PARP10: variants seen among roughly 807,000 people sequenced by gnomAD.
PARP10 encodes poly(ADP-ribose) polymerase family member 10, also known as protein mono-ADP-ribosyltransferase PARP10.
A neutral mutation model predicts 82.4 loss-of-function variants in PARP10; 56 were observed. The ratio of observed to expected loss-of-function variants is 0.68; its 90% CI spans 0.55 to 0.85. The LOEUF is 0.85. PARP10 is among the 40% of genes least tolerant of loss of function. PARP10 has a pLI of 0.00. For missense variants in PARP10, 1,227 were observed against 1,379.4 expected (o/e 0.89, Z 1.75); for synonymous variants, 576 against 601.1 (o/e 0.96, Z 0.61).
chr8:144,003,396 T>A (rs1834215652), intron 1 of PARP10, among the ~76,000 whole-genome samples: 1 of 130,110 alleles, frequency 7.7e-6, no homozygotes, highest in African/African-American at 3.1e-5. Flanking sequence ...GCCACTGCAC[T>A]CCAGCCTGGG....
rs782767859 is a variant in PARP10 at position 143,983,511 on chromosome 8, A to C, written c.2078T>G (p.Leu693Trp). Residue 693 changes from leucine to tryptophan, a missense_variant, in exon 8 of 11, where the codon TTG becomes TGG. Transcript: ENST00000313028. ...LTLSLLEQPP[L>W]EAEEPPDGGT... ...CCCATCTGGGGGCTCTTCTGCCTCC[A>C]ACGGGGGCTGCTCCAGCAGGGAGAG... The C allele has an allele frequency of 1.8e-5, 29 of 1,605,848 alleles. No homozygotes were observed. In the South Asian group the frequency reaches 3.1e-4, roughly 17 times the overall value.
intron 1 of PARP10, among the ~76,000 whole-genome samples, chr8:144,005,471 CA>C: frequency 6.6e-6 from 1 of 152,276 alleles, no homozygotes; most frequent in South Asian, 2.1e-4. Flanking sequence ...GCTTGCCAAT[CA>C]TAATCGTATG....
chr8:143,997,434 T>C (rs1834171485), intron 1 of PARP10, among the ~76,000 whole-genome samples: 1 of 152,104 alleles, frequency 6.6e-6, no homozygotes, highest in African/African-American at 2.4e-5. Context: ...AATCTTCCTC[T>C]CTAACCCAAA....
chr8:143,999,020 T>C (rs145727402), intron 1 of PARP10, among the ~76,000 whole-genome samples: 9 of 140,422 alleles, frequency 6.4e-5, no homozygotes, highest in Non-Finnish European at 1.1e-4. Context: ...TCCTTCCTTC[T>C]TTCTTTCTTT....
Position 143,983,681 on chromosome 8 carries a change from C to T in PARP10, c.1908G>A (p.Glu636=), listed in dbSNP as rs782157409. 6.8e-6 allele frequency: 11 copies of T among 1,609,312 alleles called. No homozygotes were observed. The Admixed American group carries it at 1.3e-4, about 20-fold the overall frequency. The part of the protein sequence containing the change: ...PEEEVTPGHE[E]EEPVAPSTVA... ...CAGTGCTGGGGGCCACAGGCTCCTC[C>T]TCCTCATGCCCTGGGGTCACCTCCT... The change falls in exon 8 of 11, where the codon GAG becomes GAA. Residue 636 remains glutamate, a synonymous_variant. Transcript: ENST00000313028.
chr8:144,007,738 G>T (rs1834244588), intron 1 of PARP10, among the ~76,000 whole-genome samples: 1 of 152,136 alleles, frequency 6.6e-6, no homozygotes, highest in Admixed American at 6.6e-5. Flanking sequence ...TGAGGCTAGA[G>T]GCGAGAAGAG....
At chr8:144,006,048 AG>A (rs1485279178) in intron 1 of PARP10, among the ~76,000 whole-genome samples, 2 of 152,116 alleles carry the variant, frequency 1.3e-5, no homozygotes, top group Admixed American at 1.3e-4. Flanking sequence ...GTCAGATCCT[AG>A]GGCCCCCCTA....
chr8:143,978,402 C>CA (rs1833768018), intron 9 of PARP10, among the ~76,000 whole-genome samples: 1 of 152,176 alleles, frequency 6.6e-6, no homozygotes, highest in South Asian at 2.1e-4. Flanking sequence ...GACTTGACTC[C>CA]AACACGAGGA....
intron 1 of PARP10, among the ~76,000 whole-genome samples, chr8:143,999,853 C>T (rs1228260469): frequency 1.3e-5 from 2 of 151,398 alleles, no homozygotes; most frequent in Admixed American, 1.3e-4. Context: ...GAAGACAGGT[C>T]GATAGAAAAT....
chr8:143,992,570 A>G, upstream of PARP10: 1 of 1,614,136 alleles, frequency 6.2e-7, no homozygotes, highest in Non-Finnish European at 8.5e-7. Context: ...CATCCTGGAG[A>G]TCGTGTACGC....
intron 1 of PARP10, among the ~76,000 whole-genome samples, chr8:144,002,296 AT>A (rs1834208147): frequency 6.6e-6 from 1 of 152,210 alleles, no homozygotes; most frequent in Non-Finnish European, 1.5e-5. Flanking sequence ...TGCCTGCAGT[AT>A]CAGCTACTCA....
Position 143,977,500 on chromosome 8 carries a change from C to A in PARP10, c.3062G>T (p.Arg1021Leu). The stretch of plus-strand genomic sequence containing the variant: ...CCCCTTCGGTTAAGTGTCTGGGGAG[C>A]GGCCCGGGAGCCCAGAGGGGTCGTC... ...SPDDPSGLPG[R>L]SPDT The change falls in exon 11 of 11, where the codon CGC (arginine) becomes CTC (leucine). Residue 1021 changes from arginine to leucine, a missense_variant. Arg to Leu is a moderately radical substitution (Grantham distance 102, BLOSUM62 -2). Coordinates refer to ENST00000313028, the MANE Select transcript of PARP10 (RefSeq NM_032789.5). The A allele has an allele frequency of 6.5e-7, 1 of 1,549,880 alleles. No homozygotes were observed. The highest frequency in any genetic ancestry group is 8.7e-7 in the Non-Finnish European group (1 of 1,146,612).
intron 9 of PARP10, among the ~76,000 whole-genome samples, chr8:143,980,377 T>C (rs1833824229): frequency 1.2e-5 from 1 of 85,124 alleles, no homozygotes; most frequent in African/African-American, 4.2e-5. Context: ...ATACAAAAAG[T>C]AGCTGGGTGT....
At chr8:144,001,729 G>GAGAAAAGAAAAGAAAAGAAA (rs368728419) in intron 1 of PARP10, among the ~76,000 whole-genome samples, 2 of 151,946 alleles carry the variant, frequency 1.3e-5, no homozygotes, top group African/African-American at 4.8e-5. Flanking sequence ...GAAGAGAAAA[G>GAGAAAAGAAAAGAAAAGAAA]AGAAAAGAAA....
chr8:143,992,574 T>C, upstream of PARP10: 1 of 1,614,054 alleles, frequency 6.2e-7, no homozygotes, highest in East Asian at 2.2e-5. Flanking sequence ...CTGGAGATCG[T>C]GTACGCCTCA....
Position 144,008,977 on chromosome 8 carries a change from A to G in PARP10, c.-80+3553T>C, listed in dbSNP as rs1015111488. On this transcript the variant is annotated intron_variant, in intron 1 of 3. Transcript: ENST00000530478. The surrounding 1 kb of genome is among the most constrained non-coding windows in gnomAD (Gnocchi z 4.0). ...AGGCTGCAGCTTAACATTCTGGGGGACCCTGGGGGTCTTTTGAGGGCCTCT... is the reference window on the plus strand; with the variant it reads ...AGGCTGCAGCTTAACATTCTGGGGGGCCCTGGGGGTCTTTTGAGGGCCTCT... Among the ~76,000 whole-genome samples the G allele has an allele frequency of 6.6e-5, 10 of 152,204 alleles. No individual in the cohort carries two copies. The highest frequency in any genetic ancestry group is 1.3e-4 in the Non-Finnish European group (9 of 68,018).
At chr8:143,980,262 G>A (rs1833816818) in intron 9 of PARP10, among the ~76,000 whole-genome samples, 1 of 137,110 alleles carries the variant, frequency 7.3e-6, no homozygotes, top group Admixed American at 7.6e-5. Flanking sequence ...AGAGCTTGCA[G>A]TGAGCTGAGA....
At position 143,984,588 on chromosome 8, in the gene PARP10, C is replaced by A. The variant is rs781984690; in HGVS notation, c.1414G>T (p.Val472Phe). 2 of 1,613,646 alleles carry A rather than the reference C, an allele frequency of 1.2e-6. No homozygotes were observed. The highest frequency in any genetic ancestry group is 2.2e-5 in the South Asian group (2 of 91,062). Residue 472 changes from valine to phenylalanine, a missense_variant, in exon 5 of 11, where the codon GTC (valine) becomes TTC (phenylalanine). By Grantham distance (50) the Val-to-Phe change is conservative. Transcript: ENST00000313028. ...HEDLLAGLGD[V>F]ALLPLEGPDM... ...GGTCCTTCAAGTGGCAAGAGAGCGACGTCTCCCAGGCCCGCAAGAAGGTCC... is the reference window on the plus strand; with the variant it reads ...GGTCCTTCAAGTGGCAAGAGAGCGAAGTCTCCCAGGCCCGCAAGAAGGTCC...
upstream of PARP10, chr8:143,990,556 G>C (rs1254866567): frequency 6.6e-6 from 1 of 151,820 alleles, no homozygotes; most frequent in Non-Finnish European, 1.5e-5. This position sits in a 1 kb window ranked among gnomAD's most constrained non-coding sequence, Gnocchi z 5.6. Context: ...CACGCCCCGT[G>C]GTCGCTTCCA....
Sources: gnomAD v4.1 joint callset for allele counts (sites outside exome capture counted in the v4.1 genomes callset) on GRCh38, gnomAD v4.1.1 for gene constraint, Gnocchi (gnomAD v3.1) non-coding constraint, MANE v1.5 for transcripts, NCBI Gene and HGNC (gene_info 2026-07-23, HGNC 2026-07-21) for gene names.